The following PDE4D variants were observed in gnomAD, a reference collection of about 807,000 sequenced individuals.
The protein encoded by PDE4D is 3',5'-cyclic-AMP phosphodiesterase 4D.
PDE4D carries 24 observed loss-of-function variants against 87.4 expected under a neutral mutation model. The ratio of observed to expected loss-of-function variants is 0.27; its 90% CI spans 0.20 to 0.39. The LOEUF (loss-of-function observed/expected upper bound fraction) is 0.39. PDE4D is among the 10% of genes least tolerant of loss of function. PDE4D has a pLI of 1.00. For missense variants in PDE4D, 714 were observed against 1,041.0 expected, an observed-to-expected ratio of 0.69 and a Z score of 4.32; for synonymous variants, 384 against 383.2, an observed-to-expected ratio of 1.00 and a Z score of -0.02.
chr5:59,357,500 A>T (rs1781579506), intron 1 of PDE4D, among the ~76,000 whole-genome samples: 1 of 152,180 alleles, frequency 6.6e-6, no homozygotes, highest in South Asian at 2.1e-4. Context: ...TGTGAGAAAA[A>T]AAAACAGGCA....
intron 1 of PDE4D, among the ~76,000 whole-genome samples, chr5:59,619,706 T>C (rs1204955799): frequency 6.6e-6 from 1 of 152,030 alleles, no homozygotes; most frequent in African/African-American, 2.4e-5. Context: ...CATGGAGGAA[T>C]AGACTGTTTT....
chr5:60,487,153 C>A (rs1023883269), intron 1 of PDE4D, among the ~76,000 whole-genome samples: 1 of 152,172 alleles, frequency 6.6e-6, no homozygotes, highest in African/African-American at 2.4e-5. Flanking sequence ...CCAGCTTTAT[C>A]CTAAACCTTG....
chr5:60,370,410 A>G (rs1256529121), intron 1 of PDE4D, among the ~76,000 whole-genome samples: 1 of 152,256 alleles, frequency 6.6e-6, no homozygotes, highest in Admixed American at 6.5e-5. Context: ...AATCTCTGGA[A>G]CTAAGGAAAA....
rs1052549879 is a variant in PDE4D, at chr5:58,974,447, C to T, written c.*217G>A. ...CCAAGCTGAAATCTTGTTAAAAACG[C>T]TGTTCGTGAAGATGTCCACCTTGCT... On this transcript the variant is annotated 3_prime_UTR_variant, in exon 15 of 15. Transcript: ENST00000340635. 6 of 375,466 alleles carry T rather than the reference C, an allele frequency of 1.6e-5. No homozygotes were observed. The highest frequency in any genetic ancestry group is 1.2e-4 in the African/African-American group (6 of 48,426). The allele number at this position is 375,466 out of a possible 1,614,324, so 23.3% of individuals were successfully genotyped here.
chr5:60,305,769 A>G (rs890648073), intron 1 of PDE4D, among the ~76,000 whole-genome samples: 3 of 151,820 alleles, frequency 2.0e-5, no homozygotes, highest in Admixed American at 1.3e-4. Context: ...GTTGTAGCCC[A>G]TAAGACACTA....
chr5:60,403,605 C>T (rs1741274557), intron 1 of PDE4D, among the ~76,000 whole-genome samples: 1 of 152,226 alleles, frequency 6.6e-6, no homozygotes, highest in Non-Finnish European at 1.5e-5. Flanking sequence ...ACAACAATCA[C>T]ATGAAGCAGG....
At chr5:60,027,705 C>T (rs1055470101) in intron 2 of PDE4D, among the ~76,000 whole-genome samples, 20 of 152,168 alleles carry the variant, frequency 1.3e-4, no homozygotes, top group Non-Finnish European at 2.4e-4. Context: ...ATGCTGGACA[C>T]TCAATAAAGA....
intron 1 of PDE4D, among the ~76,000 whole-genome samples, chr5:59,684,581 T>C (rs1749552417): frequency 6.6e-6 from 1 of 151,992 alleles, no homozygotes; most frequent in Non-Finnish European, 1.5e-5. Flanking sequence ...GGCATTGTAA[T>C]AGAAAATAAG....
chr5:59,533,499 T>C (rs893636747), intron 1 of PDE4D, among the ~76,000 whole-genome samples: 1 of 152,170 alleles, frequency 6.6e-6, no homozygotes, highest in Non-Finnish European at 1.5e-5. Flanking sequence ...TTAATATAGA[T>C]GTGGTTTGTT....
Position 60,431,486 on chromosome 5 carries a change from A to C in PDE4D, c.-90+56456T>G, listed in dbSNP as rs183412546. ...CATCTCAGACGATGGGCGGCCGGGC[A>C]GAGACGCTCCTCACTTCCTAGATGG... On this transcript the variant is annotated intron_variant, in intron 1 of 16. Transcript: ENST00000502484. 9.9e-4 allele frequency among the ~76,000 whole-genome samples: 149 copies of C among 150,756 alleles called. 2 individuals are homozygous for C. Among genetic ancestry groups the C allele is most frequent in the African/African-American group, 3.6e-3 (147 of 40,862 alleles).
chr5:60,436,201 A>G (rs1178148612), intron 1 of PDE4D, among the ~76,000 whole-genome samples: 1 of 152,080 alleles, frequency 6.6e-6, no homozygotes, highest in Non-Finnish European at 1.5e-5. Context: ...GACAACAATC[A>G]TCCATTGATC....
At position 59,432,874 on chromosome 5, in the gene PDE4D, A is replaced by G. The variant is rs140878261; in HGVS notation, c.456-216906T>C. 5.2e-3 allele frequency among the ~76,000 whole-genome samples: 787 copies of G among 152,268 alleles called. 5 individuals carry two copies. The highest frequency in any genetic ancestry group is 0.01 in the Middle Eastern group (3 of 294). ...TAGTAAATAATTTTTATTAATTTGC[A>G]TAATTATGAAGAGAATAAATATAGC... On this transcript the variant is annotated intron_variant, in intron 1 of 14. Coordinates refer to ENST00000340635, the MANE Select transcript of PDE4D (RefSeq NM_001104631.2).
chr5:59,184,011 G>A (rs10036938), intron 4 of PDE4D, among the ~76,000 whole-genome samples: 36,923 of 152,098 alleles, frequency 0.24, 4,751 homozygotes, highest in African/African-American at 0.3. Flanking sequence ...GAGATGGAAA[G>A]GCACATCACT....
At chr5:60,165,927 A>G (rs1428515068) in intron 2 of PDE4D, among the ~76,000 whole-genome samples, 2 of 151,458 alleles carry the variant, frequency 1.3e-5, no homozygotes, top group Non-Finnish European at 2.9e-5. Context: ...ACTGTTTTCT[A>G]GTTGTTTTGT....
chr5:60,106,688 C>G (rs1343712855), intron 2 of PDE4D, among the ~76,000 whole-genome samples: 1 of 152,132 alleles, frequency 6.6e-6, no homozygotes, highest in Non-Finnish European at 1.5e-5. Context: ...CAAACTGGAA[C>G]TCAGGATTAA....
intron 1 of PDE4D, among the ~76,000 whole-genome samples, chr5:59,459,745 T>C (rs1046300341): frequency 6.6e-6 from 1 of 152,230 alleles, no homozygotes; most frequent in Non-Finnish European, 1.5e-5. Context: ...TTCTTTTAGT[T>C]ACGGAAGGAA....
intron 2 of PDE4D, among the ~76,000 whole-genome samples, chr5:60,136,038 A>C (rs1780013063): frequency 6.6e-6 from 1 of 152,178 alleles, no homozygotes; most frequent in Non-Finnish European, 1.5e-5. Flanking sequence ...TGGTCTGACA[A>C]TTGTTTGAGC....
At chr5:59,357,553 G>A (rs903745421) in intron 1 of PDE4D, among the ~76,000 whole-genome samples, 1 of 152,152 alleles carries the variant, frequency 6.6e-6, no homozygotes, top group Non-Finnish European at 1.5e-5. Context: ...TCAAGGAGAT[G>A]CTGCGTCACC....
At chr5:60,089,904 C>A (rs985944389) in intron 2 of PDE4D, among the ~76,000 whole-genome samples, 5 of 149,662 alleles carry the variant, frequency 3.3e-5, no homozygotes, top group Admixed American at 2.6e-4. Flanking sequence ...GATACACCAA[C>A]AAATAGGAAA....
Sources: gnomAD v4.1 joint callset for allele counts (sites outside exome capture counted in the v4.1 genomes callset) on GRCh38, gnomAD v4.1.1 for gene constraint, MANE v1.5 for transcripts, NCBI Gene and HGNC (gene_info 2026-07-23, HGNC 2026-07-21) for gene names.